DPY19L1: variants seen among roughly 807,000 people sequenced by gnomAD.
The protein encoded by DPY19L1 is dpy-19 like C-mannosyltransferase 1.
Under a neutral mutation model 96.9 loss-of-function variants are expected in DPY19L1, and 35 were observed. The observed-to-expected ratio is 0.36, with a 90% CI of 0.28 to 0.48. DPY19L1 has a LOEUF of 0.48. Ranked by LOEUF, DPY19L1 falls within the 20% of genes least tolerant of loss-of-function variation. The probability of loss-of-function intolerance (pLI) is 0.99; values close to 1 mark genes in which losing one functional copy is unlikely to be tolerated. For synonymous variants in DPY19L1, 205 were observed against 252.6 expected (o/e 0.81, Z 1.79); for missense variants, 521 against 777.9 (o/e 0.67, Z 3.93).
intron 3 of DPY19L1, among the ~76,000 whole-genome samples, chr7:35,017,218 G>A (rs1202722113): frequency 6.6e-6 from 1 of 151,994 alleles, no homozygotes; most frequent in African/African-American, 2.4e-5. Flanking sequence ...AGTTGGCCGG[G>A]CACGGTGGCT....
intron 7 of DPY19L1, among the ~76,000 whole-genome samples, chr7:34,983,527 A>G (rs910175671): frequency 6.9e-6 from 1 of 145,896 alleles, no homozygotes; most frequent in South Asian, 2.2e-4. Flanking sequence ...AGGAGGGAAG[A>G]AAGGAAGGCA....
intron 1 of DPY19L1, among the ~76,000 whole-genome samples, chr7:35,028,715 A>G (rs1430195221): frequency 6.6e-6 from 1 of 152,220 alleles, no homozygotes; most frequent in Non-Finnish European, 1.5e-5. Flanking sequence ...GGGCTGCTGG[A>G]CTAAGGATAC....
At chr7:35,001,312 A>G (rs1272911482) in intron 6 of DPY19L1, among the ~76,000 whole-genome samples, 2 of 152,180 alleles carry the variant, frequency 1.3e-5, no homozygotes, top group Non-Finnish European at 2.9e-5. Flanking sequence ...ATATGTTTTT[A>G]TTGTGCCTTT....
At chr7:34,934,677 A>G (rs112178417) in intron 21 of DPY19L1, among the ~76,000 whole-genome samples, 14 of 152,330 alleles carry the variant, frequency 9.2e-5, no homozygotes, top group African/African-American at 3.4e-4. Flanking sequence ...TCAGATCATC[A>G]GGCATTAGAT....
In DPY19L1 at chr7:35,013,724, C is replaced by G. The variant is rs747968192; in HGVS notation, c.412-19G>C. 6.4e-7 allele frequency: 1 copy of G among 1,560,404 alleles called. No individual in the cohort carries two copies. Among genetic ancestry groups the G allele is most frequent in the Non-Finnish European group, 8.7e-7 (1 of 1,149,030 alleles). ...ATAGTCCCTGAAATAAAGATATGCT[C>G]AATTAAAATAACAAAAGGTACATAA... On this transcript the variant is annotated intron_variant, in intron 3 of 21. Coordinates refer to ENST00000638088, the MANE Select transcript of DPY19L1 (RefSeq NM_001366673.1).
intron 6 of DPY19L1, among the ~76,000 whole-genome samples, chr7:35,001,222 A>G (rs1037817880): frequency 1.3e-5 from 2 of 152,240 alleles, no homozygotes; most frequent in African/African-American, 4.8e-5. Flanking sequence ...TGGAATCTGC[A>G]GAAGGAAAGC....
rs370121293 is a variant in DPY19L1, at chr7:34,963,711, C to CGTGT, written c.1092+3179_1092+3182dup. The stretch of plus-strand genomic sequence containing the variant: ...ATAAGCAGAATCGTGTGTGTGTGTG[C>CGTGT]GTGTGTGTGTGTGTCTGTGTACACA... On this transcript the variant is annotated intron_variant, in intron 10 of 21. Transcript: ENST00000638088. Among the ~76,000 whole-genome samples, 145 of 137,296 alleles carry CGTGT rather than the reference C, an allele frequency of 1.1e-3. No homozygotes were observed. In the South Asian group the frequency reaches 0.015, roughly 14 times the overall value. 90.1% of individuals were successfully genotyped at this position (137,296 alleles called of 152,430 possible).
chr7:34,971,076 AGCTTC>A (rs1173768323), intron 8 of DPY19L1, among the ~76,000 whole-genome samples: 1 of 152,150 alleles, frequency 6.6e-6, no homozygotes, highest in East Asian at 1.9e-4. Flanking sequence ...AACACTGCTC[AGCTTC>A]TTCTTGCCTC....
intron 3 of DPY19L1, 77 bp downstream of exon 3, chr7:35,017,805 A>G (rs898314253): frequency 5.9e-6 from 7 of 1,183,126 alleles, no homozygotes; most frequent in African/African-American, 1.6e-5. Flanking sequence ...GAACATCTTG[A>G]AATTTTCCAT....
chr7:34,959,906 TATA>T (rs889719719), intron 10 of DPY19L1, among the ~76,000 whole-genome samples: 2 of 36,498 alleles, frequency 5.5e-5, no homozygotes, highest in African/African-American at 1.6e-4. Context: ...TAAATATATA[TATA>T]TATATATATA....
chr7:34,983,443 A>C (rs1784981632), intron 7 of DPY19L1, among the ~76,000 whole-genome samples: 1 of 151,586 alleles, frequency 6.6e-6, no homozygotes, highest in Non-Finnish European at 1.5e-5. Context: ...CAACAGAAAA[A>C]TGGAGGCTCT....
At chr7:35,017,859 T>C (rs754869155) in intron 3 of DPY19L1, 23 bp downstream of exon 3, 2 of 1,528,344 alleles carry the variant, frequency 1.3e-6, no homozygotes, top group Non-Finnish European at 1.8e-6. Flanking sequence ...AGTACTATGA[T>C]GAAATCCCAA....
In DPY19L1 at chr7:34,940,412, A is replaced by G. The variant is rs1783979638; in HGVS notation, c.1690-85T>C. 8 of 1,168,076 alleles carry G rather than the reference A, an allele frequency of 6.8e-6. No homozygotes were observed. In the Admixed American group the frequency reaches 1.1e-4, roughly 16 times the overall value. 72.4% of individuals were successfully genotyped at this position (1,168,076 alleles called of 1,614,324 possible). A position where few individuals can be genotyped will look rare whatever the true frequency, so the allele number is the denominator to read the frequency against. ...GCAAAACTTCTTCCCAGAGAAGAAT[A>G]AGGCCTCTGCTAGAGTCCCAAATAA... On this transcript the variant is annotated intron_variant, in intron 18 of 21. Transcript: ENST00000638088.
intron 7 of DPY19L1, among the ~76,000 whole-genome samples, chr7:34,985,549 T>C (rs1236797906): frequency 1.3e-5 from 2 of 150,056 alleles, no homozygotes; most frequent in African/African-American, 4.9e-5. Flanking sequence ...AAGATACAAA[T>C]GGCCAACAGA....
intron 1 of DPY19L1, among the ~76,000 whole-genome samples, chr7:35,024,859 G>A (rs1415204670): frequency 6.6e-6 from 1 of 152,188 alleles, no homozygotes; most frequent in Non-Finnish European, 1.5e-5. Context: ...CCTCAAGGCT[G>A]AGTCTGTGTA....
chr7:34,969,856 G>A (rs1784688103), intron 8 of DPY19L1, among the ~76,000 whole-genome samples: 1 of 152,172 alleles, frequency 6.6e-6, no homozygotes, highest in East Asian at 1.9e-4. Flanking sequence ...TCATTAGGAA[G>A]GCAGAAGATG....
intron 6 of DPY19L1, among the ~76,000 whole-genome samples, chr7:35,003,834 A>G (rs1785488961): frequency 6.6e-6 from 1 of 152,232 alleles, no homozygotes; most frequent in Non-Finnish European, 1.5e-5. Flanking sequence ...AGTGTACTGT[A>G]GTCTCTCAGG....
At chr7:35,029,727 T>C (rs1251252844) in intron 1 of DPY19L1, among the ~76,000 whole-genome samples, 2 of 152,106 alleles carry the variant, frequency 1.3e-5, no homozygotes, top group African/African-American at 2.4e-5. Context: ...CATAAAGATA[T>C]AAAAGAGTGA....
Position 34,973,604 on chromosome 7 carries a change from C to T in DPY19L1, c.824G>A (p.Cys275Tyr). ...AGGTGGTGTCCACATTACACGGGTA[C>T]ACTGAAAAAAAAAATTTGTAGTATA... ...VLCFFFNHGE[C>Y]TRVMWTPPLR... The change falls in exon 8 of 22, where the codon TGT (cysteine) becomes TAT (tyrosine). Residue 275 changes from cysteine (C) to tyrosine (Y), a missense_variant and splice_region_variant. Coordinates refer to ENST00000638088, the MANE Select transcript of DPY19L1 (RefSeq NM_001366673.1). 7.0e-7 allele frequency: 1 copy of T among 1,436,742 alleles called. No homozygotes were observed. The highest frequency in any genetic ancestry group is 9.2e-7 in the Non-Finnish European group (1 of 1,090,906). The allele number at this position is 1,436,742 out of a possible 1,614,324, so 89.0% of individuals were successfully genotyped here.
Sources: allele counts gnomAD v4.1 joint callset (sites outside exome capture counted in the v4.1 genomes callset), GRCh38; gene constraint gnomAD v4.1.1; transcripts MANE v1.5; gene names NCBI Gene and HGNC (gene_info 2026-07-23, HGNC 2026-07-21).